Variants in ARSG observed in about 807,000 individuals in gnomAD.
The protein encoded by ARSG is arylsulfatase G, also known as ASG.
Under a neutral mutation model 50.5 loss-of-function variants are expected in ARSG, and 37 were observed. The observed-to-expected ratio is 0.73, with a 90% confidence interval of 0.56 to 0.96. The LOEUF is 0.96. Among genes scored for constraint, ARSG ranks in the 50% least tolerant of loss-of-function variants. ARSG has a pLI of 0.00. For missense variants in ARSG, 629 were observed against 675.3 expected (o/e 0.93, Z 0.76); for synonymous variants, 225 against 254.6 (o/e 0.88, Z 1.11).
chr17:68,421,672 C>A (rs186251334), downstream of ARSG: 12 of 1,539,014 alleles, frequency 7.8e-6, no homozygotes, highest in East Asian at 6.7e-5. Flanking sequence ...TTCCTGCCCC[C>A]CTTTCTGCTC....
intron 1 of ARSG, among the ~76,000 whole-genome samples, chr17:68,306,299 G>A (rs2076606099): frequency 6.6e-6 from 1 of 152,062 alleles, no homozygotes; most frequent in South Asian, 2.1e-4. Context: ...ACCGCTCCCT[G>A]CGAGAATTTC....
At position 68,342,989 on chromosome 17, in the gene ARSG, C is replaced by T. The variant is rs573418649; in HGVS notation, c.219-615C>T. ...TATTGATTTTGGGATTAAAAACATA[C>T]AACGTTAGTAAGTAGGCACATTTGA... On this transcript the variant is annotated intron_variant, in intron 2 of 11. Coordinates refer to ENST00000621439, the MANE Select transcript of ARSG (RefSeq NM_001267727.2). Among the ~76,000 whole-genome samples, 6 of 152,294 alleles carry T rather than the reference C, an allele frequency of 3.9e-5. No individual in the cohort carries two copies. The East Asian group carries it at 1.2e-3, about 29-fold the overall frequency.
chr17:68,325,184 T>A (rs1291377139), intron 2 of ARSG, among the ~76,000 whole-genome samples: 1 of 152,150 alleles, frequency 6.6e-6, no homozygotes, highest in Non-Finnish European at 1.5e-5. Flanking sequence ...CCGCCTGAGC[T>A]CCGCCTCCTG....
At chr17:68,306,418 A>G (rs2076611909) in intron 1 of ARSG, among the ~76,000 whole-genome samples, 1 of 152,146 alleles carries the variant, frequency 6.6e-6, no homozygotes, top group Non-Finnish European at 1.5e-5. Flanking sequence ...TTAGCTGGTC[A>G]TAGTGGCACA....
intron 2 of ARSG, among the ~76,000 whole-genome samples, chr17:68,341,562 G>A (rs17739182): frequency 0.018 from 2,807 of 152,234 alleles, 52 homozygotes; most frequent in Non-Finnish European, 0.026. Context: ...ACCTTGGACC[G>A]TCATCCAGTT....
intron 2 of ARSG, among the ~76,000 whole-genome samples, chr17:68,326,282 G>C (rs1383470379): frequency 6.6e-6 from 1 of 152,242 alleles, no homozygotes; most frequent in Non-Finnish European, 1.5e-5. Flanking sequence ...CTGACCAGGA[G>C]GGGCCAGCCC....
rs761398056 is a variant in ARSG, at chr17:68,368,566, C to T, written c.723C>T (p.Phe241=). 9.3e-6 allele frequency: 15 copies of T among 1,613,868 alleles called. No individual in the cohort carries two copies. The highest frequency in any genetic ancestry group is 2.7e-5 in the African/African-American group (2 of 74,940). The change falls in exon 7 of 12, where the codon TTC becomes TTT. Residue 241 remains phenylalanine, a synonymous_variant. Transcript: ENST00000621439. ...IQRASTSGRP[F]LLYVALAHMH... is the part of the protein sequence containing the mutation. ...GTTTCAGCACCAGCGGGAGGCCCTT[C>T]CTGCTCTATGTGGCTCTGGCCCACA...
At chr17:68,439,219 G>A in the ARSG span, among the ~76,000 whole-genome samples, 1 of 152,188 alleles carries the variant, frequency 6.6e-6, no homozygotes, top group Non-Finnish European at 1.5e-5. Context: ...GTCAAAAAGT[G>A]GAAATAACCC....
chr17:68,450,984 C>G, the ARSG span: 2 of 1,503,460 alleles, frequency 1.3e-6, no homozygotes, highest in Middle Eastern at 2.5e-4. Context: ...CCGGCGCAGG[C>G]CAGGTTCCAA....
At chr17:68,432,564 C>T in the ARSG span, among the ~76,000 whole-genome samples, 11 of 152,142 alleles carry the variant, frequency 7.2e-5, no homozygotes, top group Non-Finnish European at 1.3e-4. Context: ...ATAAGGTGCC[C>T]GGCCTCTGTC....
At chr17:68,327,758 A>G (rs2077565660) in intron 2 of ARSG, among the ~76,000 whole-genome samples, 1 of 152,172 alleles carries the variant, frequency 6.6e-6, no homozygotes, top group South Asian at 2.1e-4. Flanking sequence ...GCAAGCAGCC[A>G]TGGCTCAGAG....
chr17:68,394,940 T>C, intron 9 of ARSG, 133 bp from the exon 10 acceptor site: 1 of 1,263,482 alleles, frequency 7.9e-7, no homozygotes, highest in Non-Finnish European at 1.1e-6. Context: ...AACAAGCAGG[T>C]AGAGAAGTTA....
chr17:68,434,496 C>T, the ARSG span: 1 of 1,582,864 alleles, frequency 6.3e-7, no homozygotes, highest in South Asian at 1.1e-5. Flanking sequence ...AGACAGCTGC[C>T]AGCGGTCCCT....
chr17:68,428,902 A>G, the ARSG span: 2 of 1,614,118 alleles, frequency 1.2e-6, no homozygotes, highest in Non-Finnish European at 1.7e-6. Flanking sequence ...TGTCCACTGG[A>G]TGACGCAACT....
chr17:68,278,102 G>C (rs781878582), intron 1 of ARSG: 3 of 1,612,834 alleles, frequency 1.9e-6, no homozygotes, highest in Non-Finnish European at 2.5e-6. Context: ...AAAATGTTAA[G>C]ACAAACACAC....
chr17:68,451,529 C>T, the ARSG span, among the ~76,000 whole-genome samples: 1 of 152,242 alleles, frequency 6.6e-6, no homozygotes, highest in African/African-American at 2.4e-5. Context: ...ATCTCCCCTC[C>T]AGACCCTAGG....
intron 6 of ARSG, among the ~76,000 whole-genome samples, chr17:68,365,595 A>G (rs1042349757): frequency 6.6e-6 from 1 of 152,090 alleles, no homozygotes; most frequent in Non-Finnish European, 1.5e-5. Flanking sequence ...AATGGGTGAG[A>G]GTTTGGAAGA....
rs1187519759 is a variant in ARSG, at chr17:68,356,787, G to C, written c.687G>C (p.Gln229His). 6.2e-7 allele frequency: 1 copy of C among 1,614,170 alleles called. No homozygotes were observed. Among genetic ancestry groups the C allele is most frequent in the Admixed American group, 1.7e-5 (1 of 60,020 alleles). ...LAQKYAEKAT[Q>H]FIQRASTSGR... ...AGAAGTATGCTGAGAAAGCAACCCA[G>C]TTCATCCAGCGTGCAAGGTGAGGAG... The change falls in exon 6 of 12, where the codon CAG (glutamine) becomes CAC (histidine). Residue 229 changes from glutamine to histidine, a missense_variant. Transcript: ENST00000621439.
rs2081386976 is a variant in ARSG, at chr17:68,399,583, A to AC, written c.1213-1776dup. On this transcript the variant is annotated intron_variant, in intron 10 of 11. Coordinates refer to ENST00000621439, the MANE Select transcript of ARSG (RefSeq NM_001267727.2). This position sits in a 1 kb window ranked among gnomAD's most constrained non-coding sequence, Gnocchi z 4.6. ...AGCCATAATGGGTCTTCTCAAACAA[A>AC]CAAAAAAAATGCATAGACAAGTTCT... Among the ~76,000 whole-genome samples the AC allele has an allele frequency of 6.6e-6, 1 of 152,174 alleles. No homozygotes were observed. The highest frequency in any genetic ancestry group is 2.1e-4 in the South Asian group (1 of 4,818).
Sources: gnomAD v4.1 joint callset for allele counts (sites outside exome capture counted in the v4.1 genomes callset) on GRCh38, gnomAD v4.1.1 for gene constraint, Gnocchi (gnomAD v3.1) non-coding constraint, MANE v1.5 for transcripts, NCBI Gene and HGNC (gene_info 2026-07-23, HGNC 2026-07-21) for gene names.